Variants in XRN1 observed in about 807,000 individuals in gnomAD.
XRN1 encodes strand-exchange protein 1 homolog.
Under a neutral mutation model 222.3 loss-of-function variants are expected in XRN1, and 67 were observed. The ratio of observed to expected loss-of-function variants is 0.30; its 90% confidence interval spans 0.25 to 0.37. XRN1 has a LOEUF of 0.37. Among genes scored for constraint, XRN1 ranks in the 10% least tolerant of loss-of-function variants. XRN1 has a pLI of 1.00. For synonymous variants in XRN1, 643 were observed against 652.4 expected (o/e 0.99, Z 0.22); for missense variants, 1,707 against 2,000.2 (o/e 0.85, Z 2.80).
intron 13 of XRN1, among the ~76,000 whole-genome samples, chr3:142,415,057 T>G (rs903960843): frequency 1.3e-5 from 2 of 152,184 alleles, no homozygotes; most frequent in Admixed American, 6.5e-5. Context: ...AAAGTGAGTC[T>G]GAGGTTATCT....
intron 15 of XRN1, among the ~76,000 whole-genome samples, chr3:142,408,336 C>T (rs2068431620): frequency 6.6e-6 from 1 of 151,966 alleles, no homozygotes; most frequent in African/African-American, 2.4e-5. Flanking sequence ...ATTTTATTAC[C>T]CTTTGTGGGG....
At chr3:142,443,084 A>C (rs191435394) in intron 1 of XRN1, among the ~76,000 whole-genome samples, 2 of 152,256 alleles carry the variant, frequency 1.3e-5, no homozygotes, top group Admixed American at 1.3e-4. Flanking sequence ...CCAGAATCGA[A>C]GCTGTAAAAC....
Position 142,343,982 on chromosome 3 carries a change from C to T in XRN1, c.3877+3252G>A, listed in dbSNP as rs1466170100. Among the ~76,000 whole-genome samples the T allele has an allele frequency of 2.0e-5, 3 of 151,282 alleles. No homozygotes were observed. The East Asian group carries it at 5.8e-4, about 29-fold the overall frequency. ...CATATGTTAGGTGAAATAAGCCAGG[C>T]ACAGAAAGACAAATTTCACATGTTT... On this transcript the variant is annotated intron_variant, in intron 33 of 40. Transcript: ENST00000392981.
intron 29 of XRN1, 58 bp downstream of exon 29, chr3:142,364,988 CT>C: frequency 6.6e-7 from 1 of 1,513,698 alleles, no homozygotes; most frequent in Non-Finnish European, 8.9e-7. Flanking sequence ...ACAGACAAGC[CT>C]GTTTATTACT....
At chr3:142,431,973 TTG>T (rs1220050186) in intron 2 of XRN1, among the ~76,000 whole-genome samples, 89 of 77,576 alleles carry the variant, frequency 1.1e-3, no homozygotes, top group Non-Finnish European at 1.5e-3. Context: ...ATATAATATA[TTG>T]TATATATTAT....
At chr3:142,416,786 C>CT (rs1224009169) in intron 13 of XRN1, among the ~76,000 whole-genome samples, 1 of 151,858 alleles carries the variant, frequency 6.6e-6, no homozygotes, top group Non-Finnish European at 1.5e-5. Flanking sequence ...AATCCTAGCA[C>CT]TTTGGGAGGT....
At chr3:142,336,456 G>A (rs1264118048) in intron 33 of XRN1, among the ~76,000 whole-genome samples, 1 of 151,494 alleles carries the variant, frequency 6.6e-6, no homozygotes, top group Non-Finnish European at 1.5e-5. Context: ...AGGAAGGGAA[G>A]GGAGGGAGGG....
intron 33 of XRN1, among the ~76,000 whole-genome samples, chr3:142,344,873 C>A (rs2066097569): frequency 2.0e-5 from 3 of 152,088 alleles, no homozygotes; most frequent in Admixed American, 2.0e-4. Context: ...TTCCAGCTGC[C>A]ATTTTTGCAG....
rs1412623158 is a variant in XRN1, at chr3:142,308,161, C to A, written c.*3350G>T. The A allele has an allele frequency of 2.6e-5, 4 of 152,136 alleles. No individual in the cohort carries two copies. Among genetic ancestry groups the A allele is most frequent in the African/African-American group, 9.7e-5 (4 of 41,424 alleles). The allele number at this position is 152,136 out of a possible 1,614,324, so 9.4% of individuals were successfully genotyped here. On this transcript the variant is annotated 3_prime_UTR_variant, in exon 41 of 41. Transcript: ENST00000392981. ...AGTTATGACTAACACAAATAGAACACATAAATAAAAAGTGAGTAAAAAAGA... is the reference window on the plus strand; with the variant it reads ...AGTTATGACTAACACAAATAGAACAAATAAATAAAAAGTGAGTAAAAAAGA...
intron 12 of XRN1, 74 bp downstream of exon 12, chr3:142,418,430 A>T: frequency 2.4e-6 from 3 of 1,250,868 alleles, no homozygotes. Flanking sequence ...CTACTTCATC[A>T]AAATCATATT....
At chr3:142,392,836 A>G (rs2107985117) in intron 20 of XRN1, among the ~76,000 whole-genome samples, 1 of 151,896 alleles carries the variant, frequency 6.6e-6, no homozygotes, top group Middle Eastern at 3.4e-3. Flanking sequence ...TTGGGTATAT[A>G]CCCCGTAATG....
Position 142,430,018 on chromosome 3 carries a change from A to G in XRN1, c.308+2643T>C, listed in dbSNP as rs979864061. Among the ~76,000 whole-genome samples, 3 of 152,196 alleles carry G rather than the reference A, an allele frequency of 2.0e-5. No homozygotes were observed. The East Asian group carries it at 5.8e-4, about 29-fold the overall frequency. On this transcript the variant is annotated intron_variant, in intron 2 of 40. Transcript: ENST00000392981. ...GCTTCCTAATTGCTGAATTGTAACT[A>G]TAGTGATGTATTCTTAGAGCCCCAA...
At chr3:142,431,990 T>C (rs2069616562) in intron 2 of XRN1, among the ~76,000 whole-genome samples, 1 of 94,832 alleles carries the variant, frequency 1.1e-5, no homozygotes, top group Non-Finnish European at 1.8e-5. Context: ...TATTATATAA[T>C]ATATTGTATA....
intron 37 of XRN1, among the ~76,000 whole-genome samples, chr3:142,326,352 T>C (rs183022517): frequency 9.6e-4 from 146 of 152,198 alleles, no homozygotes; most frequent in Middle Eastern, 3.4e-3. Context: ...TAAGTTTTCA[T>C]TGTAGAGATC....
intron 20 of XRN1, among the ~76,000 whole-genome samples, chr3:142,392,579 G>GT (rs2067770778): frequency 6.6e-6 from 1 of 151,404 alleles, no homozygotes; most frequent in Non-Finnish European, 1.5e-5. Flanking sequence ...GCGGTGTTTG[G>GT]TTTTTTGTTC....
intron 36 of XRN1, 40 bp downstream of exon 36, chr3:142,332,335 T>G (rs779268168): frequency 2.1e-6 from 3 of 1,405,830 alleles, no homozygotes; most frequent in Non-Finnish European, 2.9e-6. Context: ...AATTGAATTT[T>G]TAAAATGATA....
In XRN1 at chr3:142,414,238, G is replaced by A. The variant is rs202035072; in HGVS notation, c.1490C>T (p.Thr497Ile). Residue 497 changes from threonine (T) to isoleucine (I), a missense_variant, in exon 14 of 41, where the codon ACA becomes ATA. Around this residue, in one of 2 missense-constraint regions of XRN1, gnomAD observed 1,234 missense variants for 1,518.2 expected, o/e 0.81. Coordinates refer to ENST00000392981, the MANE Select transcript of XRN1 (RefSeq NM_001282857.2). The stretch of plus-strand genomic sequence containing the variant: ...TCCTAGTTCAAAATGGATTTTGAGT[G>A]TACTGATGTTGTGTATATCAGACAG... ...PFLSDIHNIS[T>I]LKIHFELGKP... 5 of 1,613,730 alleles carry A rather than the reference G, an allele frequency of 3.1e-6. 1 individual carries two copies.
intron 29 of XRN1, among the ~76,000 whole-genome samples, chr3:142,364,451 T>C (rs941085189): frequency 2.0e-5 from 3 of 152,200 alleles, no homozygotes; most frequent in African/African-American, 4.8e-5. Context: ...ATTTTTTTTT[T>C]CACCATCTTA....
At chr3:142,369,242 C>T (rs931657974) in intron 27 of XRN1, among the ~76,000 whole-genome samples, 2 of 152,110 alleles carry the variant, frequency 1.3e-5, no homozygotes, top group African/African-American at 2.4e-5. Flanking sequence ...GATAAAACAA[C>T]GCAACTCTAC....
Sources: gnomAD v4.1 joint callset for allele counts (sites outside exome capture counted in the v4.1 genomes callset) on GRCh38, gnomAD v4.1.1 for gene constraint, gnomAD v4.1.1 regional missense constraint, MANE v1.5 for transcripts, NCBI Gene and HGNC (gene_info 2026-07-23, HGNC 2026-07-21) for gene names.